ZNF320: variants seen among roughly 807,000 people sequenced by gnomAD.
The protein encoded by ZNF320 is zinc finger gene 320.
A neutral mutation model predicts 6.8 loss-of-function variants in ZNF320; 2 were observed. The ratio of observed to expected loss-of-function variants is 0.29; its 90% CI spans 0.12 to 0.93. The LOEUF (loss-of-function observed/expected upper bound fraction) is 0.93. ZNF320 is among the 40% of genes least tolerant of loss of function. The pLI, the probability that ZNF320 is intolerant of heterozygous loss-of-function variation, is 0.55. For synonymous variants in ZNF320, 208 were observed against 203.2 expected, an observed-to-expected ratio of 1.02 and a Z score of -0.20; for missense variants, 472 against 611.0, an observed-to-expected ratio of 0.77 and a Z score of 2.40.
chr19:52,898,945 T>C (rs965782350), upstream of ZNF320, among the ~76,000 whole-genome samples: 1 of 152,244 alleles, frequency 6.6e-6, no homozygotes, highest in African/African-American at 2.4e-5. Context: ...TTGTTTTTTC[T>C]TAAAACAGGT....
At position 52,881,671 on chromosome 19, in the gene ZNF320, C is replaced by G; in HGVS notation, c.455G>C (p.Arg152Thr). Residue 152 changes from arginine to threonine, a missense_variant, in exon 6 of 6, where the codon AGG becomes ACG. Physicochemically the swap from Arg to Thr is moderately conservative, Grantham distance 71. This residue lies in a region of ZNF320 where 462 missense variants were observed against 559.7 expected (regional missense o/e 0.83). Transcript: ENST00000682928. ...SRFHLHLRRH[R>T]RIHTGEKPYK... ...AGGTTTCTCTCCAGTATGAATTCTCCTATGTCTTCGCAAATGCAAATGAAA... is the reference window on the plus strand; with the variant it reads ...AGGTTTCTCTCCAGTATGAATTCTCGTATGTCTTCGCAAATGCAAATGAAA... 1 of 1,613,976 alleles carries G rather than the reference C, an allele frequency of 6.2e-7. No individual in the cohort carries two copies. The highest frequency in any genetic ancestry group is 8.5e-7 in the Non-Finnish European group (1 of 1,179,906).
intron 5 of ZNF320, 96 bp from the exon 6 acceptor site, chr19:52,882,079 T>C: frequency 7.9e-7 from 1 of 1,263,204 alleles, no homozygotes; most frequent in Non-Finnish European, 1.1e-6. Context: ...AATACTTATT[T>C]TAAACTTCCC....
rs2063772968 is a variant in ZNF320 at position 52,876,585 on chromosome 19, C to A, written c.*4011G>T. On this transcript the variant is annotated 3_prime_UTR_variant, in exon 6 of 6. Transcript: ENST00000682928. ...GGATCTCAGCTCACTGCAACCTCCGCCTCCCGAATTCAAGCCATTCTTCTG... is the reference window on the plus strand; with the variant it reads ...GGATCTCAGCTCACTGCAACCTCCGACTCCCGAATTCAAGCCATTCTTCTG... 6.6e-6 allele frequency: 1 copy of A among 152,154 alleles called. No homozygotes were observed. The highest frequency in any genetic ancestry group is 2.1e-4 in the South Asian group (1 of 4,826). 9.4% of individuals were successfully genotyped at this position (152,154 alleles called of 1,614,324 possible). A position where few individuals can be genotyped will look rare whatever the true frequency, so the allele number is the denominator to read the frequency against.
chr19:52,899,802 C>G (rs767331987), upstream of ZNF320, among the ~76,000 whole-genome samples: 3 of 152,162 alleles, frequency 2.0e-5, no homozygotes, highest in Non-Finnish European at 4.4e-5. Flanking sequence ...CGGGCAAGAA[C>G]AGTCAAGGCT....
rs1568693420 is a variant in ZNF320, at chr19:52,865,805, A to ATATATATGATTATACACATATATT, written c.224-1670_224-1647dup. On this transcript the variant is annotated intron_variant, in intron 5 of 5. Transcript: ENST00000673631. ...TATATATGATTATACACATATATTT[A>ATATATATGATTATACACATATATT]TATATATGATTATACACATATATTT... Among the ~76,000 whole-genome samples, 9 of 87,330 alleles carry ATATATATGATTATACACATATATT rather than the reference A, an allele frequency of 1.0e-4. 1 individual carries two copies. Among genetic ancestry groups the ATATATATGATTATACACATATATT allele is most frequent in the South Asian group, 7.1e-4 (2 of 2,820 alleles). 57.3% of individuals were successfully genotyped at this position (87,330 alleles called of 152,430 possible). A position where few individuals can be genotyped will look rare whatever the true frequency, so the allele number is the denominator to read the frequency against.
At chr19:52,883,510 T>C (rs2063985395) in intron 5 of ZNF320, 3 of 375,218 alleles carry the variant, frequency 8.0e-6, no homozygotes, top group East Asian at 9.4e-5. Context: ...AACTTGTAGT[T>C]ACCACCCGTA....
chr19:52,865,338 G>T, intron 5 of ZNF320: 1 of 313,016 alleles, frequency 3.2e-6, no homozygotes, highest in Admixed American at 3.5e-5. Flanking sequence ...TATATATATG[G>T]TCTGGAGGGA....
chr19:52,890,122 G>T, intron 4 of ZNF320, 119 bp downstream of exon 4: 2 of 1,452,238 alleles, frequency 1.4e-6, no homozygotes, highest in South Asian at 1.2e-5. Context: ...GAAGGCATGG[G>T]TGATTGTGAG....
At chr19:52,893,893 C>A (rs560257249) in intron 1 of ZNF320, 37 bp from the exon 2 acceptor site, 2 of 151,816 alleles carry the variant, frequency 1.3e-5, no homozygotes, top group African/African-American at 4.8e-5. Context: ...CCTCCACCCC[C>A]CAAAAAGTTG....
chr19:52,887,331 G>C (rs1019934243), intron 5 of ZNF320, among the ~76,000 whole-genome samples: 18 of 152,194 alleles, frequency 1.2e-4, no homozygotes, highest in African/African-American at 4.3e-4. Context: ...AAAGAGACTC[G>C]TGCTTATAAA....
intron 1 of ZNF320, among the ~76,000 whole-genome samples, chr19:52,896,135 C>T (rs2064464097): frequency 6.6e-6 from 1 of 152,106 alleles, no homozygotes; most frequent in Non-Finnish European, 1.5e-5. Flanking sequence ...TCTGTCACCC[C>T]AGGCTGGAGT....
chr19:52,892,796 C>A (rs1182255863), intron 2 of ZNF320, among the ~76,000 whole-genome samples: 1 of 151,612 alleles, frequency 6.6e-6, no homozygotes, highest in Non-Finnish European at 1.5e-5. Flanking sequence ...CCCCAGGTGT[C>A]CTCCCTGCTG....
chr19:52,872,625 C>G (rs915169925), downstream of ZNF320, among the ~76,000 whole-genome samples: 1 of 152,152 alleles, frequency 6.6e-6, no homozygotes, highest in Non-Finnish European at 1.5e-5. Flanking sequence ...CCTCAGCCTC[C>G]CAAGTAGCTG....
chr19:52,890,308 A>C lies in ZNF320; in HGVS notation c.-53T>G. 6.3e-7 allele frequency: 1 copy of C among 1,592,946 alleles called. No homozygotes were observed. Among genetic ancestry groups the C allele is most frequent in the Non-Finnish European group, 8.5e-7 (1 of 1,171,756 alleles). On this transcript the variant is annotated 5_prime_UTR_variant, in exon 4 of 6. Coordinates refer to ENST00000682928, the MANE Select transcript of ZNF320 (RefSeq NM_001351774.2). ...CTTCTGGGTTTCTTCCTCAGGTACC[A>C]AGAGTCTTTAGAAGTCAATCCTAAA...
intron 5 of ZNF320, among the ~76,000 whole-genome samples, chr19:52,886,605 TTA>T (rs1187773588): frequency 6.6e-6 from 1 of 152,186 alleles, no homozygotes; most frequent in Non-Finnish European, 1.5e-5. Context: ...TTTAAACCAC[TTA>T]TGTTTACTAA....
chr19:52,894,907 A>T (rs2064424940), intron 1 of ZNF320: 1 of 152,786 alleles, frequency 6.5e-6, no homozygotes, highest in African/African-American at 2.4e-5. Context: ...CAAAACAACA[A>T]CAACAACAAA....
At chr19:52,863,450 A>G (rs978348095) in exon 6 of ZNF320, among the ~76,000 whole-genome samples, 4 of 151,898 alleles carry the variant, frequency 2.6e-5, no homozygotes, top group African/African-American at 9.7e-5. Context: ...TACAAAAATT[A>G]GCTGGGCATG....
downstream of ZNF320, among the ~76,000 whole-genome samples, chr19:52,860,795 T>C (rs1028517969): frequency 2.0e-5 from 3 of 152,140 alleles, no homozygotes; most frequent in Admixed American, 2.0e-4. Flanking sequence ...CTTAAGATCA[T>C]GACTCATGCG....
At chr19:52,896,325 A>G (rs1304809385) in intron 1 of ZNF320, among the ~76,000 whole-genome samples, 1 of 152,234 alleles carries the variant, frequency 6.6e-6, no homozygotes, top group Non-Finnish European at 1.5e-5. Flanking sequence ...TCCTGACCTC[A>G]GGTGATCTGC....
Sources: gnomAD v4.1 joint callset for allele counts (sites outside exome capture counted in the v4.1 genomes callset) on GRCh38, gnomAD v4.1.1 for gene constraint, gnomAD v4.1.1 regional missense constraint, MANE v1.5 for transcripts, NCBI Gene and HGNC (gene_info 2026-07-23, HGNC 2026-07-21) for gene names.